Variants in PTPN5 observed in about 807,000 individuals in gnomAD.
PTPN5 encodes the protein protein tyrosine phosphatase non-receptor type 5.
PTPN5 carries 29 observed loss-of-function variants against 73.9 expected under a neutral mutation model. The observed-to-expected ratio is 0.39, with a 90% confidence interval of 0.29 to 0.54. The LOEUF (loss-of-function observed/expected upper bound fraction) is 0.54, where lower values mean the gene tolerates loss of function less well. PTPN5 is among the 20% of genes least tolerant of loss of function. PTPN5 has a pLI of 0.65. For synonymous variants in PTPN5, 267 were observed against 304.7 expected, an observed-to-expected ratio of 0.88 and a Z score of 1.29; for missense variants, 652 against 751.4, an observed-to-expected ratio of 0.87 and a Z score of 1.55.
chr11:18,782,830 C>T (rs904894460), intron 1 of PTPN5, among the ~76,000 whole-genome samples: 3 of 152,100 alleles, frequency 2.0e-5, no homozygotes, highest in Admixed American at 2.0e-4. Context: ...GTGCTCCAGG[C>T]AAATATATAG....
At chr11:18,786,388 G>A (rs1431300527) in intron 1 of PTPN5, among the ~76,000 whole-genome samples, 3 of 152,024 alleles carry the variant, frequency 2.0e-5, no homozygotes, top group Non-Finnish European at 4.4e-5. Flanking sequence ...ATTTTTAGTA[G>A]ACACGGGATT....
chr11:18,776,497 G>A (rs1851163819), intron 1 of PTPN5, among the ~76,000 whole-genome samples: 1 of 152,116 alleles, frequency 6.6e-6, no homozygotes, highest in African/African-American at 2.4e-5. Flanking sequence ...CCTGTGGTCT[G>A]TGATTACCGC....
At chr11:18,779,594 T>A (rs537086741) in intron 1 of PTPN5, among the ~76,000 whole-genome samples, 97 of 152,222 alleles carry the variant, frequency 6.4e-4, no homozygotes, top group South Asian at 8.3e-4. Context: ...GGGACTGACA[T>A]GAGAGCAGGT....
At chr11:18,783,072 C>T (rs1851514727) in intron 1 of PTPN5, among the ~76,000 whole-genome samples, 1 of 152,218 alleles carries the variant, frequency 6.6e-6, no homozygotes, top group Non-Finnish European at 1.5e-5. Flanking sequence ...ACTCCTAGGC[C>T]TCGTATTTGC....
intron 12 of PTPN5, among the ~76,000 whole-genome samples, chr11:18,731,465 T>A (rs1311062263): frequency 2.0e-5 from 3 of 152,064 alleles, no homozygotes; most frequent in Non-Finnish European, 1.5e-5. Context: ...AAAAGTAAAT[T>A]CCCTCAAACT....
chr11:18,758,686 TTTTC>T (rs1448459844), intron 3 of PTPN5, among the ~76,000 whole-genome samples: 4 of 152,112 alleles, frequency 2.6e-5, no homozygotes, highest in African/African-American at 9.7e-5. Flanking sequence ...TTTTTTTTTT[TTTTC>T]TTCAGATATA....
At chr11:18,786,509 G>A (rs1037082665) in intron 1 of PTPN5, among the ~76,000 whole-genome samples, 5 of 152,216 alleles carry the variant, frequency 3.3e-5, no homozygotes, top group Admixed American at 6.5e-5. Flanking sequence ...GCCTAGAATA[G>A]GGGGAATCTT....
chr11:18,739,404 G>A (rs1306146132), intron 8 of PTPN5, among the ~76,000 whole-genome samples: 3 of 152,206 alleles, frequency 2.0e-5, no homozygotes, highest in African/African-American at 7.2e-5. Context: ...GATGATGTGA[G>A]CAAAGGCACA....
At position 18,742,609 on chromosome 11, in the gene PTPN5, G is replaced by A. The variant is rs537993630; in HGVS notation, c.484-106C>T. ...CCCCCCCACTCCCTCAGTGTGTCTAGAGCAGCTCTGCTCTCCTGGGAGTTG... is the reference window on the plus strand; with the variant it reads ...CCCCCCCACTCCCTCAGTGTGTCTAAAGCAGCTCTGCTCTCCTGGGAGTTG... On this transcript the variant is annotated intron_variant, in intron 6 of 14. Coordinates refer to ENST00000358540, the MANE Select transcript of PTPN5 (RefSeq NM_006906.2). This position sits in a 1 kb window ranked among gnomAD's most constrained non-coding sequence, Gnocchi z 4.1. The A allele has an allele frequency of 1.6e-4, 231 of 1,488,888 alleles. No individual in the cohort carries two copies. In the African/African-American group the frequency reaches 2.8e-3, roughly 18 times the overall value. The allele number at this position is 1,488,888 out of a possible 1,614,324, so 92.2% of individuals were successfully genotyped here. A position where few individuals can be genotyped will look rare whatever the true frequency, so the allele number is the denominator to read the frequency against.
intron 1 of PTPN5, among the ~76,000 whole-genome samples, chr11:18,784,649 C>T (rs557934208): frequency 6.6e-6 from 1 of 152,264 alleles, no homozygotes; most frequent in South Asian, 2.1e-4. Flanking sequence ...TGGTAAATTT[C>T]GTGTTATGTG....
At chr11:18,748,897 C>G (rs1247242241) in intron 3 of PTPN5, among the ~76,000 whole-genome samples, 1 of 152,194 alleles carries the variant, frequency 6.6e-6, no homozygotes, top group Non-Finnish European at 1.5e-5. Context: ...AGGAAACAGC[C>G]TCCACTTGCA....
chr11:18,736,658 T>C (rs1482462766), intron 9 of PTPN5, among the ~76,000 whole-genome samples: 1 of 152,204 alleles, frequency 6.6e-6, no homozygotes, highest in Non-Finnish European at 1.5e-5. Flanking sequence ...GGCTCCATTC[T>C]TGCTGGACAC....
chr11:18,752,186 C>T (rs775549749), intron 3 of PTPN5, among the ~76,000 whole-genome samples: 6 of 152,156 alleles, frequency 3.9e-5, no homozygotes, highest in East Asian at 3.8e-4. Flanking sequence ...AGCCAGAGAG[C>T]GCGCCACTGC....
chr11:18,787,513 T>G (rs978124939), intron 1 of PTPN5, among the ~76,000 whole-genome samples: 1 of 152,188 alleles, frequency 6.6e-6, no homozygotes, highest in African/African-American at 2.4e-5. Flanking sequence ...CTCACCTTTT[T>G]CCTTATCACT....
At position 18,733,270 on chromosome 11, in the gene PTPN5, T is replaced by C. The variant is rs367814480; in HGVS notation, c.1183A>G (p.Ile395Val). ...TCCTCGATGTTGGTGATCATGACAATGATGGGCGTGTGCTCCTGCCACACC... is the reference window on the plus strand; with the variant it reads ...TCCTCGATGTTGGTGATCATGACAACGATGGGCGTGTGCTCCTGCCACACC... ...RMVWQEHTPI[I>V]VMITNIEEMN... The change falls in exon 11 of 15, where the codon ATT (isoleucine) becomes GTT (valine). Residue 395 changes from isoleucine (I) to valine (V), a missense_variant. Ile to Val is a conservative substitution (Grantham distance 29). Transcript: ENST00000358540. The surrounding 1 kb of genome is among the most constrained non-coding windows in gnomAD (Gnocchi z 4.3). 6.2e-7 allele frequency: 1 copy of C among 1,613,992 alleles called. No homozygotes were observed. The highest frequency in any genetic ancestry group is 1.7e-5 in the Admixed American group (1 of 60,028).
At position 18,742,360 on chromosome 11, in the gene PTPN5, G is replaced by A. The variant is rs367543230; in HGVS notation, c.627C>T (p.Asp209=). The change falls in exon 7 of 15, where the codon GAC becomes GAT. Residue 209 remains aspartate, a synonymous_variant. Coordinates refer to ENST00000358540, the MANE Select transcript of PTPN5 (RefSeq NM_006906.2). The surrounding 1 kb of genome is among the most constrained non-coding windows in gnomAD (Gnocchi z 4.1). ...CAAACACAGGAGTCTCGGGCACCGG[G>A]TCGAGGTCCAGGAAGTCATCCTCGA... is the stretch of plus-strand genomic sequence containing the variant. ...EKIEDDFLDL[D]PVPETPVFDC... The A allele has an allele frequency of 6.2e-6, 10 of 1,614,072 alleles. No individual in the cohort carries two copies. Among genetic ancestry groups the A allele is most frequent in the South Asian group, 5.5e-5 (5 of 91,088 alleles).
intron 1 of PTPN5, among the ~76,000 whole-genome samples, chr11:18,780,934 G>T (rs574269001): frequency 6.6e-6 from 1 of 152,280 alleles, no homozygotes; most frequent in East Asian, 1.9e-4. Flanking sequence ...AAGGAGTGAA[G>T]GAAGAGGGAA....
chr11:18,729,847 G>C lies in PTPN5; in HGVS notation c.1330-29C>G. The C allele has an allele frequency of 6.2e-7, 1 of 1,614,020 alleles. No individual in the cohort carries two copies. The highest frequency in any genetic ancestry group is 1.1e-5 in the South Asian group (1 of 91,080). ...TCGAGGAGACAGAGGCCCACCCCAG[G>C]TATGTGTGAACTCTTTCAGCTCACA... On this transcript the variant is annotated intron_variant, in intron 12 of 14. Transcript: ENST00000358540. The surrounding 1 kb of genome is among the most constrained non-coding windows in gnomAD (Gnocchi z 5.2).
chr11:18,753,756 G>A (rs949645116), intron 3 of PTPN5, among the ~76,000 whole-genome samples: 1 of 152,200 alleles, frequency 6.6e-6, no homozygotes, highest in African/African-American at 2.4e-5. Flanking sequence ...GGGTAGGGGA[G>A]TAGAGACATC....
Sources: allele counts gnomAD v4.1 joint callset (sites outside exome capture counted in the v4.1 genomes callset), GRCh38; gene constraint gnomAD v4.1.1; non-coding constraint Gnocchi (gnomAD v3.1); transcripts MANE v1.5; gene names NCBI Gene and HGNC (gene_info 2026-07-23, HGNC 2026-07-21).